DPH6: variants seen among roughly 807,000 people sequenced by gnomAD.
DPH6 encodes diphthamine biosynthesis 6.
In DPH6, 33 loss-of-function variants were observed where a neutral mutation model predicts 38.2. That is an observed-to-expected ratio of 0.86 (90% CI 0.65 to 1.15). DPH6 has a LOEUF of 1.15. Among genes scored for constraint, DPH6 ranks in the 50% most tolerant of loss-of-function variants. The probability of loss-of-function intolerance (pLI) is 0.00; values close to 1 mark genes in which losing one functional copy is unlikely to be tolerated. For synonymous variants in DPH6, 108 were observed against 103.0 expected (o/e 1.05, Z -0.30); for missense variants, 325 against 320.0 (o/e 1.02, Z -0.12).
chr15:35,496,525 G>A (rs1252172366), intron 3 of DPH6, among the ~76,000 whole-genome samples: 4 of 110,062 alleles, frequency 3.6e-5, no homozygotes, highest in South Asian at 3.2e-4. Context: ...ATTGCACTCC[G>A]GCCTAGGCAA....
chr15:35,389,609 C>T (rs759579263), intron 6 of DPH6, among the ~76,000 whole-genome samples: 1 of 152,178 alleles, frequency 6.6e-6, no homozygotes, highest in Non-Finnish European at 1.5e-5. Context: ...CCTTCTTTGT[C>T]TCTTTCGATC....
At chr15:35,411,342 CA>C (rs2053364245) in intron 5 of DPH6, among the ~76,000 whole-genome samples, 1 of 151,642 alleles carries the variant, frequency 6.6e-6, no homozygotes. Flanking sequence ...TAGAAAATAG[CA>C]GTAGACTGTT....
chr15:35,168,573 A>G, the DPH6 span, among the ~76,000 whole-genome samples: 1 of 152,068 alleles, frequency 6.6e-6, no homozygotes, highest in African/African-American at 2.4e-5. Context: ...AATAAATAAA[A>G]ACCATGATGA....
chr15:35,174,164 C>T, the DPH6 span, among the ~76,000 whole-genome samples: 33 of 152,160 alleles, frequency 2.2e-4, no homozygotes, highest in African/African-American at 7.5e-4. Context: ...TAAATATTCA[C>T]TCAGGGAATG....
intron 3 of DPH6, among the ~76,000 whole-genome samples, chr15:35,530,961 A>T (rs1351770123): frequency 6.6e-6 from 1 of 152,192 alleles, no homozygotes; most frequent in African/African-American, 2.4e-5. Context: ...CAGGTTTAAT[A>T]TCCAAAATCC....
intron 3 of DPH6, among the ~76,000 whole-genome samples, chr15:35,357,175 G>A (rs1036617700): frequency 2.6e-5 from 4 of 152,220 alleles, no homozygotes; most frequent in East Asian, 3.9e-4. Context: ...TCTAGGTCCC[G>A]TCTATCACCG....
At chr15:35,162,476 G>A in the DPH6 span, among the ~76,000 whole-genome samples, 17 of 151,752 alleles carry the variant, frequency 1.1e-4, no homozygotes, top group Non-Finnish European at 2.4e-4. Flanking sequence ...GCCTCTGCAG[G>A]AGCTACTTAG....
intron 3 of DPH6, among the ~76,000 whole-genome samples, chr15:35,292,572 T>C (rs2051987289): frequency 6.6e-6 from 1 of 152,308 alleles, no homozygotes; most frequent in East Asian, 1.9e-4. Flanking sequence ...CTGGCCTTCA[T>C]GACATGGAAG....
the DPH6 span, among the ~76,000 whole-genome samples, chr15:35,167,346 A>G: frequency 6.6e-6 from 1 of 152,002 alleles, no homozygotes; most frequent in African/African-American, 2.4e-5. Flanking sequence ...GAACAAGGCT[A>G]GCTAGCATTT....
intron 3 of DPH6, among the ~76,000 whole-genome samples, chr15:35,463,541 AG>A (rs781698207): frequency 2.0e-5 from 3 of 152,204 alleles, no homozygotes; most frequent in Non-Finnish European, 4.4e-5. Context: ...ATGAAATACA[AG>A]GAACTACTAA....
At chr15:35,183,570 A>G in the DPH6 span, among the ~76,000 whole-genome samples, 1 of 152,244 alleles carries the variant, frequency 6.6e-6, no homozygotes, top group Non-Finnish European at 1.5e-5. Flanking sequence ...CTTTAAAAAT[A>G]TTAACTTCTT....
intron 3 of DPH6, among the ~76,000 whole-genome samples, chr15:35,456,093 G>C (rs527951459): frequency 6.6e-6 from 1 of 152,278 alleles, no homozygotes; most frequent in Non-Finnish European, 1.5e-5. Flanking sequence ...CAGATAAGGT[G>C]TCAGGAAAAG....
intron 3 of DPH6, among the ~76,000 whole-genome samples, chr15:35,256,680 C>A (rs2051710386): frequency 6.6e-6 from 1 of 152,112 alleles, no homozygotes; most frequent in Admixed American, 6.5e-5. Flanking sequence ...TTAGCCATGT[C>A]TGGGCATGTC....
chr15:35,315,974 AGGAACTAAAAAAGT>A (rs2052185160), intron 3 of DPH6, among the ~76,000 whole-genome samples: 2 of 152,196 alleles, frequency 1.3e-5, no homozygotes, highest in Non-Finnish European at 2.9e-5. Flanking sequence ...TACTCAATGT[AGGAACTAAAAAAGT>A]TGATCTTGAG....
chr15:35,430,108 T>C (rs909490351), intron 5 of DPH6, among the ~76,000 whole-genome samples: 1 of 152,156 alleles, frequency 6.6e-6, no homozygotes, highest in Non-Finnish European at 1.5e-5. Flanking sequence ...TTCAAATATA[T>C]GTTAAGTGAA....
At chr15:35,177,529 T>C in the DPH6 span, among the ~76,000 whole-genome samples, 1 of 141,586 alleles carries the variant, frequency 7.1e-6, no homozygotes, top group Non-Finnish European at 1.5e-5. Context: ...CAGGCTACAG[T>C]GACCTATGAT....
At chr15:35,413,809 T>C (rs964834363) in intron 5 of DPH6, among the ~76,000 whole-genome samples, 1 of 151,646 alleles carries the variant, frequency 6.6e-6, no homozygotes, top group East Asian at 1.9e-4. Context: ...TTTCTGTACA[T>C]TAAGCTTTAT....
intron 3 of DPH6, among the ~76,000 whole-genome samples, chr15:35,233,414 TTTG>T (rs1043018754): frequency 9.8e-5 from 15 of 152,318 alleles, no homozygotes; most frequent in Admixed American, 2.6e-4. Flanking sequence ...ACAAATTCTT[TTTG>T]TTGTTATAAA....
chr15:35,472,904 TAAAA>T (rs374089826), intron 3 of DPH6, among the ~76,000 whole-genome samples: 1 of 135,156 alleles, frequency 7.4e-6, no homozygotes, highest in Non-Finnish European at 1.6e-5. Flanking sequence ...AAGATGTAGT[TAAAA>T]AAAAAAAAAA....
Sources: gnomAD v4.1 joint callset for allele counts (sites outside exome capture counted in the v4.1 genomes callset) on GRCh38, gnomAD v4.1.1 for gene constraint, MANE v1.5 for transcripts, NCBI Gene and HGNC (gene_info 2026-07-23, HGNC 2026-07-21) for gene names.